JAZF1: variants seen among roughly 807,000 people sequenced by gnomAD.
The protein encoded by JAZF1 is JAZF zinc finger 1.
JAZF1 carries 8 observed loss-of-function variants against 26.4 expected under a neutral mutation model. That is an observed-to-expected ratio of 0.30 (90% CI 0.18 to 0.55). JAZF1 has a LOEUF of 0.55. JAZF1 is among the 20% of genes least tolerant of loss of function. The pLI is 0.94. For missense variants in JAZF1, 199 were observed against 322.0 expected (o/e 0.62, Z 2.92); for synonymous variants, 126 against 122.3 (o/e 1.03, Z -0.20).
At chr7:27,992,296 G>A (rs189689438) in intron 1 of JAZF1, 156 of 466,350 alleles carry the variant, frequency 3.3e-4, no homozygotes, top group Admixed American at 6.5e-4. Flanking sequence ...GGTTTTTGGT[G>A]GTTCATCGGC....
intron 1 of JAZF1, among the ~76,000 whole-genome samples, chr7:28,003,252 T>C (rs184398051): frequency 8.5e-5 from 13 of 152,136 alleles, no homozygotes; most frequent in Admixed American, 8.5e-4. Context: ...TTTAAAAATG[T>C]ATCATACTAA....
At chr7:27,987,810 T>G (rs576108698) in intron 2 of JAZF1, among the ~76,000 whole-genome samples, 1 of 152,242 alleles carries the variant, frequency 6.6e-6, no homozygotes, top group South Asian at 2.1e-4. Context: ...TAGAAAGAAG[T>G]AGCCATAGGA....
intron 1 of JAZF1, among the ~76,000 whole-genome samples, chr7:28,035,340 A>AAAAAAAAAAG (rs1562565710): frequency 3.4e-5 from 5 of 145,408 alleles, no homozygotes; most frequent in East Asian, 2.1e-4. Context: ...AAAAAAAAAA[A>AAAAAAAAAAG]AAAGAAAGAA....
At chr7:27,849,974 T>G (rs1004406618) in intron 3 of JAZF1, among the ~76,000 whole-genome samples, 10 of 152,076 alleles carry the variant, frequency 6.6e-5, no homozygotes, top group African/African-American at 2.2e-4. Context: ...TTTTACTACC[T>G]AAAGAGTTCT....
chr7:28,010,329 G>A (rs773977201), intron 1 of JAZF1, among the ~76,000 whole-genome samples: 16 of 152,076 alleles, frequency 1.1e-4, no homozygotes, highest in East Asian at 1.9e-4. Flanking sequence ...GAGGGCGGTC[G>A]TCCCCCTTGC....
chr7:27,982,578 T>A (rs1785607463), intron 2 of JAZF1, among the ~76,000 whole-genome samples: 1 of 152,216 alleles, frequency 6.6e-6, no homozygotes, highest in Admixed American at 6.5e-5. Flanking sequence ...TAAACGTCCC[T>A]GTCTGACAGC....
chr7:28,166,220 T>C (rs770014974), intron 1 of JAZF1, among the ~76,000 whole-genome samples: 9 of 152,186 alleles, frequency 5.9e-5, no homozygotes, highest in African/African-American at 1.2e-4. Flanking sequence ...ATATATTCTA[T>C]AAGACTAAAA....
intron 3 of JAZF1, among the ~76,000 whole-genome samples, chr7:27,883,823 C>G (rs2128339963): frequency 6.6e-6 from 1 of 152,340 alleles, no homozygotes; most frequent in East Asian, 1.9e-4. Flanking sequence ...CTTTTCTTCT[C>G]TGCTCCTTCT....
intron 4 of JAZF1, among the ~76,000 whole-genome samples, chr7:27,833,433 C>CA (rs1782747647): frequency 6.6e-6 from 1 of 152,158 alleles, no homozygotes; most frequent in Non-Finnish European, 1.5e-5. Context: ...TTTGGAAACT[C>CA]AATTTACAGC....
At chr7:27,897,802 C>CTGA (rs1784096843) in intron 2 of JAZF1, among the ~76,000 whole-genome samples, 13 of 152,328 alleles carry the variant, frequency 8.5e-5, no homozygotes, top group African/African-American at 2.9e-4. Context: ...AACAGACTCC[C>CTGA]ACGTGCACTG....
intron 3 of JAZF1, chr7:27,841,543 A>T (rs1292085380): frequency 1.3e-5 from 2 of 152,272 alleles, no homozygotes; most frequent in African/African-American, 4.8e-5. Context: ...CTACACACGC[A>T]GTACTAGGCA....
chr7:27,987,375 T>C lies in JAZF1; in HGVS notation c.188+4534A>G, dbSNP rs566588379. 6.6e-5 allele frequency among the ~76,000 whole-genome samples: 10 copies of C among 151,788 alleles called. No individual in the cohort carries two copies. In the East Asian group the frequency reaches 1.6e-3, roughly 24 times the overall value. ...CCATCTGGGAGGTGAGGAGCGTCTCTGCCCGGCCGCCCCGTCTGAGAAGTG... is the reference window on the plus strand; with the variant it reads ...CCATCTGGGAGGTGAGGAGCGTCTCCGCCCGGCCGCCCCGTCTGAGAAGTG... On this transcript the variant is annotated intron_variant, in intron 2 of 4. Coordinates refer to ENST00000283928, the MANE Select transcript of JAZF1 (RefSeq NM_175061.4).
chr7:28,170,764 G>C (rs554385706), intron 1 of JAZF1, among the ~76,000 whole-genome samples: 1 of 152,136 alleles, frequency 6.6e-6, no homozygotes, highest in Non-Finnish European at 1.5e-5. Flanking sequence ...AGGTGCGGAA[G>C]AGCCTTCAAT....
intron 2 of JAZF1, among the ~76,000 whole-genome samples, chr7:27,934,407 T>C (rs1432535733): frequency 3.9e-5 from 6 of 152,206 alleles, no homozygotes. Context: ...GGCATTTCAA[T>C]AGCAATAAAA....
intron 2 of JAZF1, among the ~76,000 whole-genome samples, chr7:27,963,074 T>C (rs1785211326): frequency 6.6e-6 from 1 of 152,164 alleles, no homozygotes; most frequent in African/African-American, 2.4e-5. Context: ...AATTCCAAAT[T>C]CAGATTGTGC....
Position 28,170,926 on chromosome 7 carries a change from G to A in JAZF1, c.115+9537C>T, listed in dbSNP as rs75749576. 0.012 allele frequency among the ~76,000 whole-genome samples: 1,878 copies of A among 152,262 alleles called. 130 individuals carry two copies. In the East Asian group the frequency reaches 0.22, roughly 18 times the overall value. On this transcript the variant is annotated intron_variant, in intron 1 of 4. Transcript: ENST00000283928. ...CTGTGTCCTGGCTTCCTCCTGCGTC[G>A]CATGGGACTAACACTGCATAATGCA...
chr7:28,036,179 A>C (rs565438198), intron 1 of JAZF1, among the ~76,000 whole-genome samples: 1 of 152,234 alleles, frequency 6.6e-6, no homozygotes, highest in Non-Finnish European at 1.5e-5. Flanking sequence ...TCCCCCAACC[A>C]GTCATTTTAA....
intron 3 of JAZF1, among the ~76,000 whole-genome samples, chr7:27,852,245 C>A (rs190271916): frequency 2.3e-3 from 343 of 152,022 alleles, no homozygotes; most frequent in African/African-American, 7.9e-3. Context: ...GATTCTCCTG[C>A]CTCAGCCTCT....
Position 27,832,413 on chromosome 7 carries a change from T to G in JAZF1, c.*387A>C, listed in dbSNP as rs529882796. 3 of 230,092 alleles carry G rather than the reference T, an allele frequency of 1.3e-5. No individual in the cohort carries two copies. Among genetic ancestry groups the G allele is most frequent in the South Asian group, 1.8e-4 (1 of 5,568 alleles). 14.3% of individuals were successfully genotyped at this position (230,092 alleles called of 1,614,324 possible). A position where few individuals can be genotyped will look rare whatever the true frequency, so the allele number is the denominator to read the frequency against. Reference sequence around the variant, plus strand: ...TATGTGAGTTGATGTGTTGAAAACTTCAATCACATTACAATCTTGAAAAAA... The same window carrying G: ...TATGTGAGTTGATGTGTTGAAAACTGCAATCACATTACAATCTTGAAAAAA... On this transcript the variant is annotated 3_prime_UTR_variant, in exon 5 of 5. Coordinates refer to ENST00000283928, the MANE Select transcript of JAZF1 (RefSeq NM_175061.4).
Sources: gnomAD v4.1 joint callset for allele counts (sites outside exome capture counted in the v4.1 genomes callset) on GRCh38, gnomAD v4.1.1 for gene constraint, MANE v1.5 for transcripts, NCBI Gene and HGNC (gene_info 2026-07-23, HGNC 2026-07-21) for gene names.